The following GNAI1 variants were observed in gnomAD, a reference collection of about 807,000 sequenced individuals.
GNAI1 encodes the protein guanine nucleotide-binding protein G(i) subunit alpha-1.
GNAI1 carries 11 observed loss-of-function variants against 38.9 expected under a neutral mutation model. The observed-to-expected ratio is 0.28, with a 90% CI of 0.18 to 0.47. GNAI1 has a LOEUF of 0.47. Ranked by LOEUF, GNAI1 falls within the 20% of genes least tolerant of loss-of-function variation. The pLI is 0.99. For missense variants in GNAI1, 317 were observed against 436.9 expected, an observed-to-expected ratio of 0.73 and a Z score of 2.45; for synonymous variants, 166 against 145.1, an observed-to-expected ratio of 1.14 and a Z score of -1.04.
At chr7:80,204,909 T>A (rs115759368) in intron 5 of GNAI1, among the ~76,000 whole-genome samples, 10,230 of 137,320 alleles carry the variant, frequency 0.074, 1,171 homozygotes, top group African/African-American at 0.25. Context: ...TGTTACTTGA[T>A]GTTAAAAAAA....
At chr7:80,193,559 A>C (rs892892450) in intron 3 of GNAI1, among the ~76,000 whole-genome samples, 1 of 152,194 alleles carries the variant, frequency 6.6e-6, no homozygotes, top group African/African-American at 2.4e-5. Context: ...TTTCTAATGA[A>C]GTAAAATTTT....
At chr7:80,191,172 T>C (rs1436935165) in intron 3 of GNAI1, among the ~76,000 whole-genome samples, 2 of 152,142 alleles carry the variant, frequency 1.3e-5, no homozygotes, top group Admixed American at 6.5e-5. Flanking sequence ...CCATTGCTTC[T>C]CGTTGGTCTA....
chr7:80,152,795 TCTCCTGAC>T (rs1345125106), intron 1 of GNAI1, among the ~76,000 whole-genome samples: 3 of 151,692 alleles, frequency 2.0e-5, no homozygotes, highest in African/African-American at 4.9e-5. Context: ...GATCTCCTGA[TCTCCTGAC>T]CTCCTGATAT....
intron 1 of GNAI1, among the ~76,000 whole-genome samples, chr7:80,154,661 ACATCAT>A (rs1787789004): frequency 6.6e-6 from 1 of 152,338 alleles, no homozygotes; most frequent in East Asian, 1.9e-4. Flanking sequence ...TTAAACTTCT[ACATCAT>A]CTTTTATAGT....
chr7:80,147,665 TG>T (rs1486347291), intron 1 of GNAI1, among the ~76,000 whole-genome samples: 2 of 152,188 alleles, frequency 1.3e-5, no homozygotes, highest in Admixed American at 1.3e-4. Context: ...GATCTGTAGG[TG>T]GTGCATACAA....
At chr7:80,212,664 C>T in intron 6 of GNAI1, 52 bp from the exon 7 acceptor site, 1 of 1,153,324 alleles carries the variant, frequency 8.7e-7, no homozygotes, top group South Asian at 2.0e-5. Context: ...TAAAATAGTC[C>T]TCAAAAATCC....
chr7:80,210,675 A>G (rs1464781591), intron 5 of GNAI1, among the ~76,000 whole-genome samples: 1 of 149,434 alleles, frequency 6.7e-6, no homozygotes, highest in Non-Finnish European at 1.5e-5. Context: ...TTAATGTTCT[A>G]AGTGTTCTCA....
intron 1 of GNAI1, among the ~76,000 whole-genome samples, chr7:80,160,577 G>A (rs1273491478): frequency 2.0e-5 from 3 of 152,008 alleles, no homozygotes; most frequent in East Asian, 1.9e-4. Context: ...TTTTCATTAC[G>A]TTTTAAAAAT....
chr7:80,168,081 G>A (rs1460705076), intron 1 of GNAI1, among the ~76,000 whole-genome samples: 13 of 152,140 alleles, frequency 8.5e-5, no homozygotes, highest in Admixed American at 2.6e-4. Context: ...TCCTGGGCTA[G>A]CGCTATCCTT....
chr7:80,162,685 G>A (rs1562828269), intron 1 of GNAI1, among the ~76,000 whole-genome samples: 2 of 152,128 alleles, frequency 1.3e-5, no homozygotes, highest in Non-Finnish European at 2.9e-5. Context: ...GGCATACTTT[G>A]AACAGCTCCT....
Position 80,220,843 on chromosome 7 carries a change from A to G in GNAI1, c.*3350A>G, listed in dbSNP as rs535258790. 4.3e-4 allele frequency among the ~76,000 whole-genome samples: 65 copies of G among 152,264 alleles called. No individual in the cohort carries two copies. The highest frequency in any genetic ancestry group is 1.5e-3 in the African/African-American group (63 of 41,564). ...CCCAAAGATGCTACCTTATTTCCAG[A>G]AAATGTGTAAGTAGTGTTTCGCCTA... On this transcript the variant is annotated 3_prime_UTR_variant, in exon 8 of 8. Coordinates refer to ENST00000649796, the MANE Select transcript of GNAI1 (RefSeq NM_002069.6).
Position 80,175,348 on chromosome 7 carries a change from A to T in GNAI1, c.119-13603A>T, listed in dbSNP as rs146036160. On this transcript the variant is annotated intron_variant, in intron 1 of 7. Coordinates refer to ENST00000649796, the MANE Select transcript of GNAI1 (RefSeq NM_002069.6). ...AATTTTGAAAAGGAAATTAAAAAAT[A>T]TATATGTGTATATTTATGTGTGTGT... 1.9e-4 allele frequency among the ~76,000 whole-genome samples: 28 copies of T among 148,914 alleles called. No individual in the cohort carries two copies. In the East Asian group the frequency reaches 5.5e-3, roughly 29 times the overall value.
At chr7:80,143,195 G>T (rs1787556057) in intron 1 of GNAI1, among the ~76,000 whole-genome samples, 1 of 152,106 alleles carries the variant, frequency 6.6e-6, no homozygotes, top group African/African-American at 2.4e-5. Context: ...AGCCTTACCA[G>T]ATCCTTAAGA....
At chr7:80,189,321 C>G (rs1788440905) in intron 3 of GNAI1, 90 bp downstream of exon 3, 1 of 1,109,434 alleles carries the variant, frequency 9.0e-7, no homozygotes, top group African/African-American at 1.6e-5. Flanking sequence ...GGCTTGTCAA[C>G]TATCAGGACC....
intron 1 of GNAI1, among the ~76,000 whole-genome samples, chr7:80,145,483 T>TA (rs1286733620): frequency 1.3e-5 from 2 of 152,210 alleles, no homozygotes; most frequent in Non-Finnish European, 2.9e-5. Context: ...TTGTGCTACT[T>TA]ACACATTTTC....
rs569011739 is a variant in GNAI1, at chr7:80,138,386, A to G, written c.118+3108A>G. ...AGGAGCTAGTCTAATCATTGACACT[A>G]AGGAAATCAGGCCAGAGTTTGGGTT... On this transcript the variant is annotated intron_variant, in intron 1 of 7. Transcript: ENST00000649796. 2.4e-3 allele frequency among the ~76,000 whole-genome samples: 360 copies of G among 152,290 alleles called. 2 individuals are homozygous for G. Among genetic ancestry groups the G allele is most frequent in the Non-Finnish European group, 4.2e-3 (285 of 68,016 alleles).
intron 1 of GNAI1, among the ~76,000 whole-genome samples, chr7:80,151,683 C>T (rs570545621): frequency 6.7e-4 from 102 of 152,324 alleles, no homozygotes; most frequent in African/African-American, 2.4e-3. Context: ...TGCATTTCTA[C>T]ATGAAAAAAA....
intron 1 of GNAI1, among the ~76,000 whole-genome samples, chr7:80,145,304 A>G (rs747047896): frequency 2.9e-4 from 44 of 152,312 alleles, no homozygotes; most frequent in Non-Finnish European, 5.3e-4. Context: ...TGATTGATAT[A>G]GAAGTATTGA....
At chr7:80,183,706 A>G (rs1788337045) in intron 1 of GNAI1, among the ~76,000 whole-genome samples, 1 of 152,168 alleles carries the variant, frequency 6.6e-6, no homozygotes, top group Non-Finnish European at 1.5e-5. Context: ...TTACCAGCAG[A>G]TAAAACTAAA....
Sources: gnomAD v4.1 joint callset for allele counts (sites outside exome capture counted in the v4.1 genomes callset) on GRCh38, gnomAD v4.1.1 for gene constraint, MANE v1.5 for transcripts, NCBI Gene and HGNC (gene_info 2026-07-23, HGNC 2026-07-21) for gene names.